LEPR: variants seen among roughly 807,000 people sequenced by gnomAD.
LEPR encodes the protein leptin receptor.
Under a neutral mutation model 114.7 loss-of-function variants are expected in LEPR, and 56 were observed. That is an observed-to-expected ratio of 0.49 (90% CI 0.39 to 0.61). LEPR has a LOEUF of 0.61. Among genes scored for constraint, LEPR ranks in the 20% least tolerant of loss-of-function variants. The pLI, the probability that LEPR is intolerant of heterozygous loss-of-function variation, is 0.00. For missense variants in LEPR, 1,202 were observed against 1,352.9 expected, an observed-to-expected ratio of 0.89 and a Z score of 1.75; for synonymous variants, 443 against 461.4, an observed-to-expected ratio of 0.96 and a Z score of 0.51.
chr1:65,438,294 G>A (rs1646594069), intron 2 of LEPR, among the ~76,000 whole-genome samples: 1 of 151,958 alleles, frequency 6.6e-6, no homozygotes, highest in South Asian at 2.1e-4. Flanking sequence ...GCTCACGCCT[G>A]TAATCCCAGC....
intron 2 of LEPR, among the ~76,000 whole-genome samples, chr1:65,496,530 A>G (rs1215929520): frequency 1.3e-5 from 2 of 152,172 alleles, no homozygotes; most frequent in African/African-American, 4.8e-5. Flanking sequence ...TGATCAAACC[A>G]CTGCATTCCA....
At chr1:65,481,121 G>T (rs1409434659) in intron 2 of LEPR, among the ~76,000 whole-genome samples, 1 of 152,114 alleles carries the variant, frequency 6.6e-6, no homozygotes, top group Non-Finnish European at 1.5e-5. Flanking sequence ...GTATCCTCAC[G>T]TGGTCTTTCT....
At chr1:65,453,245 A>G (rs1646814763) in intron 2 of LEPR, among the ~76,000 whole-genome samples, 2 of 151,610 alleles carry the variant, frequency 1.3e-5, no homozygotes, top group Admixed American at 6.6e-5. Context: ...TGGATTCATT[A>G]ATTTTTTGAA....
intron 2 of LEPR, chr1:65,435,168 C>T (rs1290136130): frequency 2.0e-6 from 2 of 985,212 alleles, no homozygotes; most frequent in Non-Finnish European, 2.4e-6. Flanking sequence ...CTGAGCTGGT[C>T]CTGCTTTTCA....
At chr1:65,529,348 A>G (rs1443754917) in intron 2 of LEPR, among the ~76,000 whole-genome samples, 1 of 151,780 alleles carries the variant, frequency 6.6e-6, no homozygotes, top group Non-Finnish European at 1.5e-5. Context: ...GTGAAATCCC[A>G]TCTCTACTAA....
In LEPR at chr1:65,641,165, AAATT is replaced by A. The variant is rs1644864674; in HGVS notation, c.*4156_*4159del. Reference sequence around the variant, plus strand: ...AAAGCTGCTGAAAATGTCTTTTTCAAAATTAATTATGCTTAAGATGTATGGCATT... The same window carrying A: ...AAAGCTGCTGAAAATGTCTTTTTCAAAATTATGCTTAAGATGTATGGCATT... On this transcript the variant is annotated 3_prime_UTR_variant, in exon 20 of 20. Coordinates refer to ENST00000349533, the MANE Select transcript of LEPR (RefSeq NM_002303.6). 2.0e-5 allele frequency: 3 copies of A among 152,334 alleles called. No individual in the cohort carries two copies. The highest frequency in any genetic ancestry group is 2.0e-4 in the Admixed American group (3 of 15,306). The allele number at this position is 152,334 out of a possible 1,614,324, so 9.4% of individuals were successfully genotyped here.
At chr1:65,473,827 A>T (rs890894640) in intron 2 of LEPR, among the ~76,000 whole-genome samples, 10 of 152,192 alleles carry the variant, frequency 6.6e-5, no homozygotes, top group African/African-American at 2.4e-4. Context: ...GATTGTTGTC[A>T]AGTAAGACTT....
rs1370462836 is a variant in LEPR, at chr1:65,450,726, G to A, written c.-21+25348G>A. Among the ~76,000 whole-genome samples, 37 of 146,018 alleles carry A rather than the reference G, an allele frequency of 2.5e-4. 1 individual carries two copies. Among genetic ancestry groups the A allele is most frequent in the East Asian group, 2.4e-3 (12 of 4,984 alleles). On this transcript the variant is annotated intron_variant, in intron 2 of 19. Transcript: ENST00000349533. ...AGTCTTTGCTATTGTGAATAATGCC[G>A]CAATAAACATACGTGTGCATGTGTC...
intron 5 of LEPR, among the ~76,000 whole-genome samples, chr1:65,574,326 A>G (rs1654420988): frequency 6.6e-6 from 1 of 152,214 alleles, no homozygotes; most frequent in Admixed American, 6.5e-5. Context: ...GCAGCACACC[A>G]ACATGGCACA....
chr1:65,506,522 C>T (rs1461908216), intron 2 of LEPR, among the ~76,000 whole-genome samples: 1 of 152,170 alleles, frequency 6.6e-6, no homozygotes, highest in Non-Finnish European at 1.5e-5. Flanking sequence ...GTGACAGTGA[C>T]TTAGAACTTC....
chr1:65,504,454 T>C (rs1249232242), intron 2 of LEPR, among the ~76,000 whole-genome samples: 3 of 152,214 alleles, frequency 2.0e-5, no homozygotes, highest in Non-Finnish European at 4.4e-5. Flanking sequence ...TGTACTCTTG[T>C]ATGATGCAAT....
Position 65,638,273 on chromosome 1 carries a change from T to C in LEPR, c.*1258T>C, listed in dbSNP as rs1291246698. 6.6e-6 allele frequency: 1 copy of C among 152,198 alleles called. No homozygotes were observed. The highest frequency in any genetic ancestry group is 1.5e-5 in the Non-Finnish European group (1 of 68,026). 9.4% of individuals were successfully genotyped at this position (152,198 alleles called of 1,614,324 possible). A position where few individuals can be genotyped will look rare whatever the true frequency, so the allele number is the denominator to read the frequency against. On this transcript the variant is annotated 3_prime_UTR_variant, in exon 20 of 20. Coordinates refer to ENST00000349533, the MANE Select transcript of LEPR (RefSeq NM_002303.6). The stretch of plus-strand genomic sequence containing the variant: ...AGAAGTATAATGCTGGATGAGAAAT[T>C]AAGTGAGAATTGCACAGATCTCATG...
chr1:65,625,243 CAGTG>C (rs1658129001), intron 19 of LEPR, among the ~76,000 whole-genome samples: 1 of 152,068 alleles, frequency 6.6e-6, no homozygotes, highest in Non-Finnish European at 1.5e-5. Context: ...AGAAATAAGA[CAGTG>C]AGGTCAGAGA....
chr1:65,449,298 A>T (rs1283212141), intron 2 of LEPR, among the ~76,000 whole-genome samples: 11 of 146,884 alleles, frequency 7.5e-5, no homozygotes, highest in Non-Finnish European at 1.2e-4. Context: ...TTATTTTGGA[A>T]AAAAAGAGCA....
At chr1:65,488,208 CTT>C (rs1491426972) in intron 2 of LEPR, among the ~76,000 whole-genome samples, 2,483 of 34,570 alleles carry the variant, frequency 0.072, 53 homozygotes, top group East Asian at 0.12. Context: ...TTCTTTCTTT[CTT>C]TCTCTCTCTC....
intron 19 of LEPR, chr1:65,634,290 T>G (rs574568369): frequency 3.1e-6 from 3 of 983,084 alleles, no homozygotes; most frequent in Admixed American, 1.2e-4. Context: ...AAAAGAACTC[T>G]ACAAAAACGG....
At chr1:65,580,170 T>C (rs1654881216) in intron 5 of LEPR, among the ~76,000 whole-genome samples, 1 of 152,240 alleles carries the variant, frequency 6.6e-6, no homozygotes, top group South Asian at 2.1e-4. Flanking sequence ...ATGCTGTTTC[T>C]GCCTTTAATT....
intron 2 of LEPR, among the ~76,000 whole-genome samples, chr1:65,554,208 C>T (rs1751484): frequency 0.73 from 111,268 of 152,090 alleles, 41,867 homozygotes; most frequent in Middle Eastern, 0.89. Flanking sequence ...GAGGAGGCAG[C>T]CTGTCCTTTA....
At chr1:65,571,809 A>T (rs200813464) in intron 4 of LEPR, among the ~76,000 whole-genome samples, 29,215 of 144,946 alleles carry the variant, frequency 0.2, 3,448 homozygotes, top group South Asian at 0.28. Flanking sequence ...AAAAAAAAAA[A>T]AAAAAAAAAA....
Sources: gnomAD v4.1 joint callset for allele counts (sites outside exome capture counted in the v4.1 genomes callset) on GRCh38, gnomAD v4.1.1 for gene constraint, MANE v1.5 for transcripts, NCBI Gene and HGNC (gene_info 2026-07-23, HGNC 2026-07-21) for gene names.